SON: variants seen among roughly 807,000 people sequenced by gnomAD.
SON encodes SON DNA and RNA binding protein.
In SON, 4 loss-of-function variants were observed where a neutral mutation model predicts 173.3. That is an observed-to-expected ratio of 0.02 (90% CI 0.01 to 0.05). The LOEUF (loss-of-function observed/expected upper bound fraction) is 0.05. SON is among the 10% of genes least tolerant of loss of function. The pLI, the probability that SON is intolerant of heterozygous loss-of-function variation, is 1.00. For synonymous variants in SON, 1,190 were observed against 1,105.9 expected (o/e 1.08, Z -1.51); for missense variants, 2,626 against 3,055.3 (o/e 0.86, Z 3.31).
At chr21:33,576,232 A>G in intron 11 of SON, 133 bp from the exon 12 acceptor site, 1 of 635,510 alleles carries the variant, frequency 1.6e-6, no homozygotes. Context: ...CTTCGGGTTG[A>G]GATTATAATT....
chr21:33,555,082 A>AC lies in SON; in HGVS notation c.5851_5852insC (p.Ile1951ThrfsTer39). 1 of 1,601,698 alleles carries AC rather than the reference A, an allele frequency of 6.2e-7. No individual in the cohort carries two copies. The highest frequency in any genetic ancestry group is 1.7e-5 in the Admixed American group (1 of 58,976). ...TGTGGGTAGAAGAAGGAGCTTTAGC[A>AC]TTTCCCCAAGCCGCCGCAGCCGCAC... On this transcript the variant is annotated frameshift_variant, in exon 3 of 12. Coordinates refer to ENST00000356577, the MANE Select transcript of SON (RefSeq NM_138927.4). LOFTEE classifies it high-confidence loss of function.
Position 33,549,897 on chromosome 21 carries a change from C to A in SON, c.666C>A (p.Ile222=), listed in dbSNP as rs1569050993. 1 of 1,614,242 alleles carries A rather than the reference C, an allele frequency of 6.2e-7. No individual in the cohort carries two copies. The highest frequency in any genetic ancestry group is 8.5e-7 in the Non-Finnish European group (1 of 1,180,038). The change falls in exon 3 of 12, where the codon ATC becomes ATA. Residue 222 remains isoleucine, a synonymous_variant. Transcript: ENST00000356577. ...AELSVVSTSV[I]SEQSEQSVAV... ...TGTCAGTTGTATCTACATCAGTAATCTCAGAGCAGTCAGAGCAGTCTGTGG... is the reference window on the plus strand; with the variant it reads ...TGTCAGTTGTATCTACATCAGTAATATCAGAGCAGTCAGAGCAGTCTGTGG...
At position 33,559,992 on chromosome 21, in the gene SON, A is replaced by G; in HGVS notation, c.6657+217A>G. 2 of 1,614,224 alleles carry G rather than the reference A, an allele frequency of 1.2e-6. No individual in the cohort carries two copies. Among genetic ancestry groups the G allele is most frequent in the South Asian group, 1.1e-5 (1 of 91,086 alleles). On this transcript the variant is annotated intron_variant, in intron 6 of 11. Transcript: ENST00000356577. This position sits in a 1 kb window ranked among gnomAD's most constrained non-coding sequence, Gnocchi z 4.1. ...GGAACCAAGCCACAAAGTGAAAAGC[A>G]TCGAATTGCAGAGAACAGTGTTATC...
At chr21:33,560,102 A>C in intron 6 of SON, 1 of 1,613,956 alleles carries the variant, frequency 6.2e-7, no homozygotes, top group Non-Finnish European at 8.5e-7. Flanking sequence ...ATTTGCTTCA[A>C]GGCTCTATAG....
At chr21:33,556,993 T>C (rs1387787709) in intron 3 of SON, among the ~76,000 whole-genome samples, 163 bp from the exon 4 acceptor site, 1 of 150,600 alleles carries the variant, frequency 6.6e-6, no homozygotes, top group African/African-American at 2.5e-5. Flanking sequence ...GAGCAGAATA[T>C]TGATGCCTAT....
At chr21:33,565,583 C>A (rs985847054) in intron 6 of SON, among the ~76,000 whole-genome samples, 1 of 152,146 alleles carries the variant, frequency 6.6e-6, no homozygotes, top group Non-Finnish European at 1.5e-5. Context: ...AGATGACATA[C>A]TAAGTTTCTT....
intron 6 of SON, among the ~76,000 whole-genome samples, chr21:33,562,931 A>C (rs1468215155): frequency 2.0e-5 from 3 of 152,106 alleles, no homozygotes; most frequent in Non-Finnish European, 4.4e-5. Flanking sequence ...AGGGGTCCAG[A>C]GGTAGTATTG....
Position 33,551,530 on chromosome 21 carries a change from G to A in SON, c.2299G>A (p.Ala767Thr). The A allele has an allele frequency of 6.2e-7, 1 of 1,613,966 alleles. No individual in the cohort carries two copies. Among genetic ancestry groups the A allele is most frequent in the Non-Finnish European group, 8.5e-7 (1 of 1,179,888 alleles). ...ASSTMDSQML[A>T]TSSMDSQMLA... ...TAGCACCATGGACTCCCAGATGTTA[G>A]CAACTAGCTCCATGGACTCCCAGAT... Residue 767 changes from alanine to threonine, a missense_variant, in exon 3 of 12, where the codon GCA (alanine) becomes ACA (threonine). By Grantham distance (58) the Ala-to-Thr change is moderately conservative. This residue lies in a region of SON where 182 missense variants were observed against 193.6 expected (regional missense o/e 0.94). Transcript: ENST00000356577.
In SON at chr21:33,553,372, G is replaced by A; in HGVS notation, c.4141G>A (p.Val1381Ile). The change falls in exon 3 of 12, where the codon GTA becomes ATA. Residue 1381 changes from valine (V) to isoleucine (I), a missense_variant. Physicochemically the swap from Val to Ile is conservative, Grantham distance 29. Around this residue, in one of 13 missense-constraint regions of SON, gnomAD observed 1,006 missense variants for 895.6 expected, o/e 1.12. Transcript: ENST00000356577. ...STVTVLESST[V>I]TVLEPSVVTV... Reference sequence around the variant, plus strand: ...TGTGACTGTCCTGGAGTCTTCGACTGTAACTGTCCTGGAGCCTTCGGTTGT... The same window carrying A: ...TGTGACTGTCCTGGAGTCTTCGACTATAACTGTCCTGGAGCCTTCGGTTGT... 1 of 1,611,924 alleles carries A rather than the reference G, an allele frequency of 6.2e-7. No individual in the cohort carries two copies.
In SON at chr21:33,559,022, A is replaced by C; in HGVS notation, c.6322-208A>C. ...GTGCCCAGTACAGTGCTCTCTCTGC[A>C]CATAGTAGGTGCTCAATAAATGTTG... is the stretch of plus-strand genomic sequence containing the variant. On this transcript the variant is annotated intron_variant, in intron 4 of 11. Coordinates refer to ENST00000356577, the MANE Select transcript of SON (RefSeq NM_138927.4). This position sits in a 1 kb window ranked among gnomAD's most constrained non-coding sequence, Gnocchi z 4.1. 2.8e-6 allele frequency: 1 copy of C among 357,766 alleles called. No homozygotes were observed. The highest frequency in any genetic ancestry group is 6.2e-5 in the South Asian group (1 of 16,020). The allele number at this position is 357,766 out of a possible 1,614,324, so 22.2% of individuals were successfully genotyped here. A position where few individuals can be genotyped will look rare whatever the true frequency, so the allele number is the denominator to read the frequency against.
intron 9 of SON, among the ~76,000 whole-genome samples, chr21:33,573,741 T>G (rs2086338828): frequency 6.6e-6 from 1 of 152,240 alleles, no homozygotes; most frequent in Admixed American, 6.5e-5. Context: ...CAAATTCAAC[T>G]GGATTTCATG....
chr21:33,559,307 A>G lies in SON; in HGVS notation c.6399A>G (p.Glu2133=), dbSNP rs2086026259. Reference sequence around the variant, plus strand: ...AACCTCATGTTTCGGATGAAGAGGAAGAAGAACCTCCTTTTTATCATCATC... The same window carrying G: ...AACCTCATGTTTCGGATGAAGAGGAGGAAGAACCTCCTTTTTATCATCATC... ...VNKPHVSDEE[E]EEPPFYHHPF... The change falls in exon 5 of 12, where the codon GAA becomes GAG. Residue 2133 remains glutamate (E), a synonymous_variant. Coordinates refer to ENST00000356577, the MANE Select transcript of SON (RefSeq NM_138927.4). This position sits in a 1 kb window ranked among gnomAD's most constrained non-coding sequence, Gnocchi z 4.1. 1 of 1,612,506 alleles carries G rather than the reference A, an allele frequency of 6.2e-7. No individual in the cohort carries two copies. The highest frequency in any genetic ancestry group is 1.3e-5 in the African/African-American group (1 of 74,872).
Position 33,543,104 on chromosome 21 carries a change from C to T in SON, c.12C>T (p.Asn4=), listed in dbSNP as rs1364204497. MAT[N]IEQIFRSFVV... The stretch of plus-strand genomic sequence containing the variant: ...ACGGAGCGGACGCCATGGCGACCAA[C>T]ATCGAGCAGATTTTTAGGTCTTTCG... The change falls in exon 1 of 12, where the codon AAC becomes AAT. Residue 4 remains asparagine, a synonymous_variant. Coordinates refer to ENST00000356577, the MANE Select transcript of SON (RefSeq NM_138927.4). The T allele has an allele frequency of 1.9e-6, 3 of 1,614,116 alleles. No individual in the cohort carries two copies. The highest frequency in any genetic ancestry group is 2.5e-6 in the Non-Finnish European group (3 of 1,180,030).
chr21:33,565,595 G>C (rs765008100), intron 6 of SON, among the ~76,000 whole-genome samples: 3 of 152,136 alleles, frequency 2.0e-5, no homozygotes, highest in Non-Finnish European at 2.9e-5. Context: ...AAGTTTCTTA[G>C]TGTTTCAATC....
At chr21:33,568,873 T>G (rs2086226557) in intron 7 of SON, 98 bp from the exon 8 acceptor site, 2 of 680,208 alleles carry the variant, frequency 2.9e-6, no homozygotes, top group Non-Finnish European at 5.2e-6. Flanking sequence ...AAGTTAAATA[T>G]TTAAGTCTGC....
At chr21:33,572,621 C>A in intron 8 of SON, 8 of 1,302,212 alleles carry the variant, frequency 6.1e-6, no homozygotes, top group Non-Finnish European at 7.1e-6. Context: ...CTGCTGCTAC[C>A]GAGGCCTAGG....
Position 33,550,464 on chromosome 21 carries a change from C to G in SON, c.1233C>G (p.Thr411=), listed in dbSNP as rs527879121. 1.9e-6 allele frequency: 3 copies of G among 1,613,764 alleles called. No individual in the cohort carries two copies. The highest frequency in any genetic ancestry group is 2.5e-6 in the Non-Finnish European group (3 of 1,179,962). ...PVLELPGPSA[T]PVPELPGPLS... is the part of the protein sequence containing the mutation. ...TGGAGTTACCTGGGCCCTCTGCTAC[C>G]CCGGTGCCAGAGTTGCCAGGGCCCC... The change falls in exon 3 of 12, where the codon ACC becomes ACG. Residue 411 remains threonine, a synonymous_variant. Transcript: ENST00000356577.
chr21:33,574,830 T>C (rs1327279395), intron 9 of SON, among the ~76,000 whole-genome samples: 1 of 152,192 alleles, frequency 6.6e-6, no homozygotes, highest in Non-Finnish European at 1.5e-5. Context: ...AGAGAGGTTA[T>C]GTAGAAAGGT....
intron 8 of SON, chr21:33,572,403 C>A: frequency 2.7e-6 from 1 of 367,978 alleles, no homozygotes; most frequent in South Asian, 2.2e-5. Context: ...GTTGACCATG[C>A]TAATGTATAT....
Sources: allele counts gnomAD v4.1 joint callset (sites outside exome capture counted in the v4.1 genomes callset), GRCh38; gene constraint gnomAD v4.1.1; regional missense constraint gnomAD v4.1.1; non-coding constraint Gnocchi (gnomAD v3.1); transcripts MANE v1.5; gene names NCBI Gene and HGNC (gene_info 2026-07-23, HGNC 2026-07-21).